The following THSD7B variants were observed in gnomAD, a reference collection of about 807,000 sequenced individuals.
THSD7B encodes the protein thrombospondin type-1 domain-containing protein 7B.
Under a neutral mutation model 213.6 loss-of-function variants are expected in THSD7B, and 138 were observed. The ratio of observed to expected loss-of-function variants is 0.65; its 90% CI spans 0.56 to 0.74. The LOEUF is 0.74. THSD7B is among the 30% of genes least tolerant of loss of function. The pLI is 0.00. For synonymous variants in THSD7B, 742 were observed against 687.0 expected (o/e 1.08, Z -1.25); for missense variants, 1,931 against 1,991.5 (o/e 0.97, Z 0.58).
intron 3 of THSD7B, among the ~76,000 whole-genome samples, chr2:137,080,730 G>A (rs918235365): frequency 1.3e-5 from 2 of 151,520 alleles, no homozygotes; most frequent in Non-Finnish European, 2.9e-5. Context: ...TTTTAGGTCT[G>A]TTCTATAAAT....
intron 12 of THSD7B, among the ~76,000 whole-genome samples, chr2:137,389,431 C>CTTTTTTTTTTT (rs1685969854): frequency 3.2e-5 from 1 of 31,170 alleles, no homozygotes; most frequent in Non-Finnish European, 6.3e-5. Flanking sequence ...TTTTTTTTTG[C>CTTTTTTTTTTT]TGTGCAGTTG....
chr2:137,623,051 T>C (rs560038190), intron 20 of THSD7B, among the ~76,000 whole-genome samples: 5 of 152,234 alleles, frequency 3.3e-5, no homozygotes, highest in African/African-American at 9.6e-5. Context: ...ACCAATATCC[T>C]TGATGAACAT....
intron 3 of THSD7B, among the ~76,000 whole-genome samples, chr2:137,077,340 C>T (rs1038712657): frequency 6.6e-6 from 1 of 152,086 alleles, no homozygotes; most frequent in Non-Finnish European, 1.5e-5. Context: ...GATATATACC[C>T]AGTAATGGGA....
chr2:137,070,046 CAT>C (rs1558907393), intron 3 of THSD7B, among the ~76,000 whole-genome samples: 1 of 151,644 alleles, frequency 6.6e-6, no homozygotes, highest in Non-Finnish European at 1.5e-5. Context: ...TGAACATTAA[CAT>C]GTTTCTAAAA....
intron 2 of THSD7B, among the ~76,000 whole-genome samples, chr2:136,907,804 A>G (rs1232039429): frequency 2.6e-5 from 4 of 152,216 alleles, no homozygotes; most frequent in Non-Finnish European, 2.9e-5. Context: ...TTGCTGACCT[A>G]CAAAGATTTC....
intron 2 of THSD7B, among the ~76,000 whole-genome samples, chr2:136,982,371 C>G (rs1410287339): frequency 6.6e-6 from 1 of 151,540 alleles, no homozygotes; most frequent in African/African-American, 2.4e-5. Flanking sequence ...CCTTATGTTG[C>G]CCAGGCTGGT....
At chr2:136,817,282 G>T (rs549195383) in intron 1 of THSD7B, among the ~76,000 whole-genome samples, 3 of 152,068 alleles carry the variant, frequency 2.0e-5, no homozygotes, top group African/African-American at 7.2e-5. Flanking sequence ...AGATGAGTAG[G>T]TTGCGAAAAT....
chr2:136,815,323 G>T (rs1406957996), intron 1 of THSD7B, among the ~76,000 whole-genome samples: 1 of 152,066 alleles, frequency 6.6e-6, no homozygotes, highest in Non-Finnish European at 1.5e-5. Context: ...GTCAATTTTG[G>T]GTCAGTTCCA....
intron 17 of THSD7B, among the ~76,000 whole-genome samples, chr2:137,609,529 AAC>A (rs1418646612): frequency 3.3e-5 from 5 of 152,176 alleles, no homozygotes; most frequent in Admixed American, 1.3e-4. Flanking sequence ...CTCCAAGAAC[AAC>A]ACAGAGGCCA....
At chr2:137,301,681 C>A (rs1041163045) in intron 12 of THSD7B, among the ~76,000 whole-genome samples, 1 of 151,840 alleles carries the variant, frequency 6.6e-6, no homozygotes, top group East Asian at 1.9e-4. Flanking sequence ...ACACTAGAAG[C>A]AGGGAAGGGA....
intron 15 of THSD7B, among the ~76,000 whole-genome samples, chr2:137,517,033 A>C (rs191849660): frequency 7.0e-4 from 106 of 152,312 alleles, no homozygotes; most frequent in African/African-American, 2.4e-3. Flanking sequence ...CAGCTGCTGT[A>C]CCAATTGTGG....
chr2:136,919,108 G>A (rs1205180205), intron 2 of THSD7B, among the ~76,000 whole-genome samples: 4 of 152,148 alleles, frequency 2.6e-5, no homozygotes, highest in African/African-American at 9.7e-5. Flanking sequence ...CCCAAATGAT[G>A]TGTTCCTTAA....
chr2:136,928,208 G>C (rs1388102624), intron 2 of THSD7B, among the ~76,000 whole-genome samples: 1 of 151,988 alleles, frequency 6.6e-6, no homozygotes, highest in Non-Finnish European at 1.5e-5. Context: ...CCTACTTTTG[G>C]GCAAAATCAT....
At chr2:137,529,885 G>A (rs1022842239) in intron 15 of THSD7B, among the ~76,000 whole-genome samples, 2 of 151,840 alleles carry the variant, frequency 1.3e-5, no homozygotes, top group African/African-American at 2.4e-5. Context: ...AGTGACAAGC[G>A]GATGATGATT....
chr2:137,064,621 T>G (rs1476340428), intron 3 of THSD7B, among the ~76,000 whole-genome samples: 1 of 152,092 alleles, frequency 6.6e-6, no homozygotes, highest in South Asian at 2.1e-4. Flanking sequence ...TGATTCTTTT[T>G]GCAGTCGTTT....
intron 5 of THSD7B, among the ~76,000 whole-genome samples, chr2:137,157,008 C>A (rs1048881889): frequency 6.6e-6 from 1 of 152,240 alleles, no homozygotes; most frequent in Non-Finnish European, 1.5e-5. Context: ...GACCCATATA[C>A]AATTAATATG....
intron 1 of THSD7B, among the ~76,000 whole-genome samples, chr2:136,810,163 T>C (rs907421784): frequency 6.6e-5 from 10 of 152,192 alleles, no homozygotes; most frequent in Non-Finnish European, 1.0e-4. Flanking sequence ...ACTTGTGCTG[T>C]CACGTGCTGC....
chr2:137,283,845 T>C (rs1441683873), intron 12 of THSD7B, among the ~76,000 whole-genome samples: 1 of 152,196 alleles, frequency 6.6e-6, no homozygotes, highest in African/African-American at 2.4e-5. Context: ...ATCAAGGATA[T>C]TGGTCTAAAA....
chr2:137,571,665 T>C (rs953135979), intron 16 of THSD7B, among the ~76,000 whole-genome samples: 7 of 152,204 alleles, frequency 4.6e-5, no homozygotes, highest in Non-Finnish European at 8.8e-5. Flanking sequence ...TTTAATTTGA[T>C]TGAATCTTCT....
Sources: allele counts gnomAD v4.1 joint callset (sites outside exome capture counted in the v4.1 genomes callset), GRCh38; gene constraint gnomAD v4.1.1; transcripts MANE v1.5; gene names NCBI Gene and HGNC (gene_info 2026-07-23, HGNC 2026-07-21).